FAM162A: variants seen among roughly 807,000 people sequenced by gnomAD.
FAM162A encodes family with sequence similarity 162 member A.
A neutral mutation model predicts 21.8 loss-of-function variants in FAM162A; 23 were observed. The observed-to-expected ratio is 1.05, with a 90% CI of 0.76 to 1.49. The LOEUF is 1.49. Among genes scored for constraint, FAM162A ranks in the 40% most tolerant of loss-of-function variants. FAM162A has a pLI of 0.00. For missense variants in FAM162A, 165 were observed against 186.4 expected (o/e 0.89, Z 0.67); for synonymous variants, 53 against 61.3 (o/e 0.86, Z 0.64).
intron 3 of FAM162A, among the ~76,000 whole-genome samples, chr3:122,406,387 A>C (rs2075676630): frequency 6.6e-6 from 1 of 152,220 alleles, no homozygotes; most frequent in Non-Finnish European, 1.5e-5. Context: ...GTGAGACCCC[A>C]TCTCTTTAAA....
intron 1 of FAM162A, among the ~76,000 whole-genome samples, chr3:122,384,959 G>A (rs1559997688): frequency 6.6e-6 from 1 of 152,178 alleles, no homozygotes; most frequent in Non-Finnish European, 1.5e-5. Flanking sequence ...CTTAGGTAAT[G>A]AAAGCTTAAT....
intron 3 of FAM162A, among the ~76,000 whole-genome samples, chr3:122,406,484 G>A (rs2075676891): frequency 6.6e-6 from 1 of 152,170 alleles, no homozygotes; most frequent in Admixed American, 6.5e-5. Context: ...TCTATATTAA[G>A]CCTCTTAGGT....
At position 122,404,392 on chromosome 3, in the gene FAM162A, G is replaced by A. The variant is rs1353887377; in HGVS notation, c.263+29G>A. ...AGTGCTGAATTTAGTATTACAAGCA[G>A]CTTTCATTTCTCACTGATCTAAGGG... is the stretch of plus-strand genomic sequence containing the variant. On this transcript the variant is annotated intron_variant, in intron 3 of 4. Transcript: ENST00000477892. 5 of 1,251,510 alleles carry A rather than the reference G, an allele frequency of 4.0e-6. No individual in the cohort carries two copies. In the African/African-American group the frequency reaches 4.5e-5, roughly 11 times the overall value. 77.5% of individuals were successfully genotyped at this position (1,251,510 alleles called of 1,614,324 possible). A position where few individuals can be genotyped will look rare whatever the true frequency, so the allele number is the denominator to read the frequency against.
intron 1 of FAM162A, among the ~76,000 whole-genome samples, chr3:122,393,338 CTGAG>C (rs994094095): frequency 4.1e-5 from 6 of 145,362 alleles, no homozygotes; most frequent in Non-Finnish European, 7.7e-5. Flanking sequence ...TTGTGACAAT[CTGAG>C]GAGCATTTAT....
intron 3 of FAM162A, among the ~76,000 whole-genome samples, chr3:122,405,577 T>C (rs1275727514): frequency 6.6e-6 from 1 of 152,204 alleles, no homozygotes; most frequent in African/African-American, 2.4e-5. Context: ...TAGACACCCA[T>C]GGCCTTAACA....
At position 122,384,301 on chromosome 3, in the gene FAM162A, T is replaced by C; in HGVS notation, c.34+2T>C. 1 of 1,576,418 alleles carries C rather than the reference T, an allele frequency of 6.3e-7. No homozygotes were observed. Among genetic ancestry groups the C allele is most frequent in the Non-Finnish European group, 8.6e-7 (1 of 1,161,306 alleles). ...TCAGCGGTCTGCGCCTGGCAGCAGG[T>C]GAGACGCCGGTCGGGATATGGGAGG... is the stretch of plus-strand genomic sequence containing the variant. On this transcript the variant is annotated splice_donor_variant, in intron 1 of 4. Coordinates refer to ENST00000477892, the MANE Select transcript of FAM162A (RefSeq NM_014367.4). LOFTEE classifies it high-confidence loss of function.
chr3:122,409,973 G>T lies in FAM162A; in HGVS notation c.*142G>T. ...GTACCATTTCCGTATTTCTGCTGTAGAAGTAGAAATAAATTTTCTTAAATA... is the reference window on the plus strand; with the variant it reads ...GTACCATTTCCGTATTTCTGCTGTATAAGTAGAAATAAATTTTCTTAAATA... On this transcript the variant is annotated 3_prime_UTR_variant, in exon 5 of 5. Transcript: ENST00000477892. 1 of 752,858 alleles carries T rather than the reference G, an allele frequency of 1.3e-6. No homozygotes were observed. The allele number at this position is 752,858 out of a possible 1,614,324, so 46.6% of individuals were successfully genotyped here.
At chr3:122,405,659 G>A (rs2075673464) in intron 3 of FAM162A, among the ~76,000 whole-genome samples, 1 of 152,096 alleles carries the variant, frequency 6.6e-6, no homozygotes, top group African/African-American at 2.4e-5. Flanking sequence ...ATCCCCTCAG[G>A]CCCAAAATAC....
chr3:122,395,505 AT>A (rs1466581875), intron 1 of FAM162A, among the ~76,000 whole-genome samples: 2 of 152,248 alleles, frequency 1.3e-5, no homozygotes, highest in Non-Finnish European at 2.9e-5. Context: ...TACTCTGGAA[AT>A]TGCAAAAACA....
chr3:122,409,948 G>A lies in FAM162A; in HGVS notation c.*117G>A. The stretch of plus-strand genomic sequence containing the variant: ...CATAAAGTATGATTTGCCCAAACCT[G>A]TACCATTTCCGTATTTCTGCTGTAG... On this transcript the variant is annotated 3_prime_UTR_variant, in exon 5 of 5. Coordinates refer to ENST00000477892, the MANE Select transcript of FAM162A (RefSeq NM_014367.4). 3.5e-6 allele frequency: 3 copies of A among 859,102 alleles called. No individual in the cohort carries two copies. In the South Asian group the frequency reaches 4.2e-5, roughly 12 times the overall value. The allele number at this position is 859,102 out of a possible 1,614,324, so 53.2% of individuals were successfully genotyped here.
intron 1 of FAM162A, among the ~76,000 whole-genome samples, chr3:122,397,912 G>A (rs909018091): frequency 1.3e-5 from 2 of 152,280 alleles, no homozygotes; most frequent in South Asian, 4.1e-4. Context: ...AGCCCATTGG[G>A]AGGAATGTGT....
At chr3:122,408,710 C>T (rs1201397525) in intron 4 of FAM162A, among the ~76,000 whole-genome samples, 1 of 152,156 alleles carries the variant, frequency 6.6e-6, no homozygotes, top group Admixed American at 6.5e-5. Flanking sequence ...GGACTGTGAG[C>T]TTCTAGGATT....
chr3:122,389,720 A>T (rs2075592215), intron 1 of FAM162A, among the ~76,000 whole-genome samples: 1 of 152,214 alleles, frequency 6.6e-6, no homozygotes, highest in Admixed American at 6.5e-5. Flanking sequence ...ATTATGAAAA[A>T]TGTATATGTT....
At chr3:122,408,713 C>G (rs932868609) in intron 4 of FAM162A, among the ~76,000 whole-genome samples, 2 of 152,252 alleles carry the variant, frequency 1.3e-5, no homozygotes, top group African/African-American at 4.8e-5. Context: ...CTGTGAGCTT[C>G]TAGGATTCTG....
chr3:122,392,027 C>T (rs553434664), intron 1 of FAM162A, among the ~76,000 whole-genome samples: 2 of 152,156 alleles, frequency 1.3e-5, no homozygotes, highest in African/African-American at 2.4e-5. Flanking sequence ...AAAACAATGC[C>T]TGGCACATAG....
At chr3:122,389,919 G>A (rs2107695540) in intron 1 of FAM162A, among the ~76,000 whole-genome samples, 1 of 152,230 alleles carries the variant, frequency 6.6e-6, no homozygotes, top group Admixed American at 6.5e-5. Context: ...ATAACATGGT[G>A]TGTAACAACT....
chr3:122,394,739 A>G (rs73188326), intron 1 of FAM162A, among the ~76,000 whole-genome samples: 2,572 of 152,300 alleles, frequency 0.017, 58 homozygotes, highest in South Asian at 0.088. Context: ...TCTTTCACAA[A>G]TTCTTCCAAA....
rs2075651368 is a variant in FAM162A at position 122,401,088 on chromosome 3, T to C, written c.35-1672T>C. Among the ~76,000 whole-genome samples the C allele has an allele frequency of 2.6e-5, 4 of 152,200 alleles. No individual in the cohort carries two copies. The South Asian group carries it at 8.3e-4, about 31-fold the overall frequency. ...AACCTTTTGAAAGTTGAGTAATAAC[T>C]GTAATGCTGCTTTGCTTATTTTTCA... On this transcript the variant is annotated intron_variant, in intron 1 of 4. Transcript: ENST00000477892.
chr3:122,394,256 A>G (rs866335154), intron 1 of FAM162A, among the ~76,000 whole-genome samples: 5 of 152,186 alleles, frequency 3.3e-5, no homozygotes, highest in South Asian at 2.1e-4. Context: ...CACACCTCCA[A>G]CACTGGGGGT....
Sources: gnomAD v4.1 joint callset for allele counts (sites outside exome capture counted in the v4.1 genomes callset) on GRCh38, gnomAD v4.1.1 for gene constraint, MANE v1.5 for transcripts, NCBI Gene and HGNC (gene_info 2026-07-23, HGNC 2026-07-21) for gene names.